Variants in EPC1 observed in about 807,000 individuals in gnomAD.
EPC1 encodes enhancer of polycomb 1.
EPC1 carries 12 observed loss-of-function variants against 98.4 expected under a neutral mutation model. The observed-to-expected ratio is 0.12, with a 90% CI of 0.08 to 0.20. EPC1 has a LOEUF of 0.20. Among genes scored for constraint, EPC1 ranks in the 10% least tolerant of loss-of-function variants. EPC1 has a pLI of 1.00. For synonymous variants in EPC1, 357 were observed against 363.9 expected, an observed-to-expected ratio of 0.98 and a Z score of 0.21; for missense variants, 729 against 990.5, an observed-to-expected ratio of 0.74 and a Z score of 3.54.
chr10:32,334,448 A>G (rs1057385005), intron 1 of EPC1, among the ~76,000 whole-genome samples: 1 of 95,950 alleles, frequency 1.0e-5, no homozygotes, highest in African/African-American at 3.9e-5. Context: ...ACTTTTGAAT[A>G]TAACAGCTAA....
intron 2 of EPC1, among the ~76,000 whole-genome samples, chr10:32,295,905 T>C (rs1296963706): frequency 6.6e-6 from 1 of 151,436 alleles, no homozygotes; most frequent in African/African-American, 2.4e-5. Flanking sequence ...AGGGACCAAC[T>C]AGCAATGTTC....
intron 1 of EPC1, among the ~76,000 whole-genome samples, chr10:32,372,290 C>G (rs76725544): frequency 0.012 from 1,801 of 152,268 alleles, 15 homozygotes; most frequent in Middle Eastern, 0.027. Context: ...GTTTGCAATC[C>G]ACTGATCTAG....
At chr10:32,335,692 C>G (rs1013991999) in intron 1 of EPC1, among the ~76,000 whole-genome samples, 1 of 152,202 alleles carries the variant, frequency 6.6e-6, no homozygotes, top group Non-Finnish European at 1.5e-5. Flanking sequence ...TTCTCAACTA[C>G]CACACTTCTG....
At position 32,357,679 on chromosome 10, in the gene EPC1, T is replaced by C. The variant is rs80126289; in HGVS notation, c.3+20812A>G. On this transcript the variant is annotated intron_variant, in intron 1 of 13. Transcript: ENST00000375110. ...CTTGCTACGTTGGCTAGGCTGATCT[T>C]GCACTCCTGACCTCAAGCAGTCCTC... Among the ~76,000 whole-genome samples the C allele has an allele frequency of 4.8e-3, 713 of 147,522 alleles. 7 individuals are homozygous for C. Among genetic ancestry groups the C allele is most frequent in the Middle Eastern group, 0.017 (5 of 292 alleles).
In EPC1 at chr10:32,271,769, A is replaced by G. The variant is rs770907136; in HGVS notation, c.2154T>C (p.Ala718=). 5.6e-6 allele frequency: 9 copies of G among 1,614,218 alleles called. No individual in the cohort carries two copies. Among genetic ancestry groups the G allele is most frequent in the Middle Eastern group, 1.6e-4 (1 of 6,062 alleles). The change falls in exon 13 of 14, where the codon GCT becomes GCC. Residue 718 remains alanine, a synonymous_variant. Transcript: ENST00000319778. The stretch of plus-strand genomic sequence containing the variant: ...GAACCTGAGTTGTTGCAGAATTGGC[A>G]GCAGTTACTTGATGACTCAGTGCAC... ...SHSALSHQVT[A]ANSATTQVLI...
At chr10:32,339,116 A>G (rs1166095499) in intron 1 of EPC1, among the ~76,000 whole-genome samples, 1 of 152,184 alleles carries the variant, frequency 6.6e-6, no homozygotes, top group Admixed American at 6.5e-5. Flanking sequence ...CCAACTATCC[A>G]TGCACCTTTA....
chr10:32,311,523 T>TAA (rs199646001), intron 1 of EPC1, among the ~76,000 whole-genome samples: 1 of 148,834 alleles, frequency 6.7e-6, no homozygotes, highest in South Asian at 2.1e-4. Context: ...TTCTAAGGCT[T>TAA]AAAAAAAAAA....
chr10:32,342,405 A>G (rs1466794759), intron 1 of EPC1, among the ~76,000 whole-genome samples: 1 of 152,190 alleles, frequency 6.6e-6, no homozygotes, highest in East Asian at 1.9e-4. Flanking sequence ...TTCTCATATC[A>G]AGGATATGTA....
At position 32,352,556 on chromosome 10, in the gene EPC1, A is replaced by C. The variant is rs375626179; in HGVS notation, c.3+25935T>G. Reference sequence around the variant, plus strand: ...GCTCAAATATCACCTCCCCCATGAAACATTGACTACTTAAACTCTCTGGGC... The same window carrying C: ...GCTCAAATATCACCTCCCCCATGAACCATTGACTACTTAAACTCTCTGGGC... On this transcript the variant is annotated intron_variant, in intron 1 of 13. Transcript: ENST00000375110. Among the ~76,000 whole-genome samples, 32 of 152,178 alleles carry C rather than the reference A, an allele frequency of 2.1e-4. 1 individual carries two copies. The East Asian group carries it at 3.5e-3, about 17-fold the overall frequency.
intron 1 of EPC1, among the ~76,000 whole-genome samples, chr10:32,311,881 G>A (rs1047359563): frequency 1.1e-4 from 17 of 152,228 alleles, no homozygotes; most frequent in African/African-American, 4.1e-4. Context: ...GTGATGAAGT[G>A]AGGTGAATAA....
intron 1 of EPC1, among the ~76,000 whole-genome samples, chr10:32,337,148 T>C (rs1309528167): frequency 6.6e-6 from 1 of 152,228 alleles, no homozygotes; most frequent in Admixed American, 6.5e-5. Flanking sequence ...TTTAGTTTGA[T>C]TCTTTTGAGG....
rs575501250 is a variant in EPC1, at chr10:32,328,391, C to T, written c.153+18372G>A. 1.1e-4 allele frequency among the ~76,000 whole-genome samples: 17 copies of T among 152,294 alleles called. No individual in the cohort carries two copies. The East Asian group carries it at 2.1e-3, about 19-fold the overall frequency. ...CACTGGCATATGAGCTGAATGGAAACGTGTTTTTAGACACATTACAAGCTT... is the reference window on the plus strand; with the variant it reads ...CACTGGCATATGAGCTGAATGGAAATGTGTTTTTAGACACATTACAAGCTT... On this transcript the variant is annotated intron_variant, in intron 1 of 13. Transcript: ENST00000319778.
Position 32,271,724 on chromosome 10 carries a change from T to C in EPC1, c.2199A>G (p.Arg733=). 1.9e-6 allele frequency: 3 copies of C among 1,614,186 alleles called. No homozygotes were observed. Among genetic ancestry groups the C allele is most frequent in the Non-Finnish European group, 2.5e-6 (3 of 1,180,044 alleles). Residue 733 remains arginine (R), a synonymous_variant, in exon 13 of 14, where the codon CGA becomes CGG. Coordinates refer to ENST00000319778, the MANE Select transcript of EPC1 (RefSeq NM_001272004.3). ...TTQVLIGNNI[R]LTVPSSVATV... The stretch of plus-strand genomic sequence containing the variant: ...TGGCAACTGATGAAGGTACAGTTAA[T>C]CGAATGTTGTTCCCAATCAGAACCT...
intron 1 of EPC1, among the ~76,000 whole-genome samples, chr10:32,345,877 C>T (rs567146731): frequency 3.3e-5 from 5 of 152,104 alleles, no homozygotes; most frequent in Admixed American, 6.6e-5. Flanking sequence ...CTTTTCTCCC[C>T]CTATGTTGAG....
upstream of EPC1, chr10:32,347,440 C>G (rs1348774797): frequency 6.3e-6 from 1 of 158,560 alleles, no homozygotes; most frequent in African/African-American, 2.4e-5. Context: ...CTCACGCTCG[C>G]TCCCTCCCGG....
At chr10:32,270,998 CT>C (rs56373530) in intron 13 of EPC1, among the ~76,000 whole-genome samples, 120,096 of 140,832 alleles carry the variant, frequency 0.85, 51,099 homozygotes, top group East Asian at 0.96. Flanking sequence ...GCATTATACG[CT>C]TTTTTTTTTT....
intron 10 of EPC1, among the ~76,000 whole-genome samples, chr10:32,276,970 A>C (rs1476107716): frequency 6.6e-6 from 1 of 152,226 alleles, no homozygotes; most frequent in Non-Finnish European, 1.5e-5. Flanking sequence ...TTTTGAGGTC[A>C]GGAAGGACTC....
At chr10:32,349,500 G>A (rs1428846462), upstream of EPC1, among the ~76,000 whole-genome samples, 1 of 152,158 alleles carries the variant, frequency 6.6e-6, no homozygotes, top group Non-Finnish European at 1.5e-5. Flanking sequence ...CAATGCTGTG[G>A]ATTTCCAACT....
At chr10:32,295,539 C>T (rs778445853) in intron 2 of EPC1, among the ~76,000 whole-genome samples, 2 of 152,022 alleles carry the variant, frequency 1.3e-5, no homozygotes, top group African/African-American at 4.8e-5. Context: ...AATCATGGGC[C>T]CTCCAATGAT....
Sources: gnomAD v4.1 joint callset for allele counts (sites outside exome capture counted in the v4.1 genomes callset) on GRCh38, gnomAD v4.1.1 for gene constraint, MANE v1.5 for transcripts, NCBI Gene and HGNC (gene_info 2026-07-23, HGNC 2026-07-21) for gene names.